The following IGSF10 variants were observed in gnomAD, a reference collection of about 807,000 sequenced individuals.
IGSF10 encodes the protein immunoglobulin superfamily member 10, also known as calvaria mechanical force protein 608.
IGSF10 carries 126 observed loss-of-function variants against 128.2 expected under a neutral mutation model. That is an observed-to-expected ratio of 0.98 (90% CI 0.85 to 1.14). The LOEUF (loss-of-function observed/expected upper bound fraction) is 1.14, where lower values mean the gene tolerates loss of function less well. Among genes scored for constraint, IGSF10 ranks in the 50% most tolerant of loss-of-function variants. IGSF10 has a pLI of 0.00. For synonymous variants in IGSF10, 1,185 were observed against 1,146.2 expected, an observed-to-expected ratio of 1.03 and a Z score of -0.68; for missense variants, 3,295 against 3,149.8, an observed-to-expected ratio of 1.05 and a Z score of -1.10.
the IGSF10 span, among the ~76,000 whole-genome samples, chr3:151,512,636 GAC>G: frequency 5.9e-5 from 9 of 151,942 alleles, no homozygotes; most frequent in Non-Finnish European, 1.3e-4. Context: ...AGGAAATAGA[GAC>G]ACAAAAAACC....
chr3:151,589,578 G>A, the IGSF10 span, among the ~76,000 whole-genome samples: 1 of 152,216 alleles, frequency 6.6e-6, no homozygotes, highest in Non-Finnish European at 1.5e-5. Context: ...CACAGAAGAA[G>A]GATTTGCAAC....
At chr3:151,544,521 T>C in the IGSF10 span, among the ~76,000 whole-genome samples, 1 of 152,198 alleles carries the variant, frequency 6.6e-6, no homozygotes, top group African/African-American at 2.4e-5. Flanking sequence ...AAATTCTAAA[T>C]TGGAGAGCAT....
At chr3:151,551,451 G>A in the IGSF10 span, among the ~76,000 whole-genome samples, 8 of 151,214 alleles carry the variant, frequency 5.3e-5, no homozygotes, top group Non-Finnish European at 7.4e-5. Flanking sequence ...CCTCAATAAC[G>A]CATTTTTGAT....
chr3:151,472,265 G>A, the IGSF10 span, among the ~76,000 whole-genome samples: 2 of 152,130 alleles, frequency 1.3e-5, no homozygotes, highest in African/African-American at 4.8e-5. Context: ...CCCTCAATGG[G>A]ATATCAGTAT....
upstream of IGSF10, chr3:151,461,153 G>A: frequency 2.7e-5 from 27 of 985,392 alleles, no homozygotes; most frequent in Non-Finnish European, 3.3e-5. Flanking sequence ...ACGACCACCG[G>A]GCCCCTCTTT....
chr3:151,558,005 A>ATATATATATAT, the IGSF10 span, among the ~76,000 whole-genome samples: 1 of 39,554 alleles, frequency 2.5e-5, no homozygotes. Flanking sequence ...AAGTATATAT[A>ATATATATATAT]ATATATATAT....
the IGSF10 span, among the ~76,000 whole-genome samples, chr3:151,471,920 C>T: frequency 6.6e-6 from 1 of 152,276 alleles, no homozygotes; most frequent in Non-Finnish European, 1.5e-5. Flanking sequence ...TGCAATGCAT[C>T]TCATTTGGAA....
chr3:151,455,119 T>G (rs997779780), intron 4 of IGSF10, among the ~76,000 whole-genome samples: 1 of 151,972 alleles, frequency 6.6e-6, no homozygotes, highest in Non-Finnish European at 1.5e-5. Flanking sequence ...GCGTTTTGTT[T>G]TTTTTTTTGA....
chr3:151,483,525 A>C, the IGSF10 span, among the ~76,000 whole-genome samples: 143 of 152,324 alleles, frequency 9.4e-4, no homozygotes, highest in African/African-American at 3.3e-3. Context: ...TGCTGGCAAG[A>C]TGGCCTAATA....
the IGSF10 span, among the ~76,000 whole-genome samples, chr3:151,584,733 A>G: frequency 6.6e-6 from 1 of 152,206 alleles, no homozygotes; most frequent in Admixed American, 6.5e-5. Flanking sequence ...AGTCAGTCCA[A>G]CATTTTGACA....
At chr3:151,520,541 A>T in the IGSF10 span, among the ~76,000 whole-genome samples, 1 of 151,984 alleles carries the variant, frequency 6.6e-6, no homozygotes, top group South Asian at 2.1e-4. Flanking sequence ...TCTCAGCTGA[A>T]ACCCTACAAG....
At chr3:151,509,043 C>T in the IGSF10 span, among the ~76,000 whole-genome samples, 1 of 152,122 alleles carries the variant, frequency 6.6e-6, no homozygotes, top group African/African-American at 2.4e-5. Context: ...CTTCACAGCA[C>T]ACAATCCTAG....
chr3:151,534,768 C>T, the IGSF10 span, among the ~76,000 whole-genome samples: 3 of 150,928 alleles, frequency 2.0e-5, no homozygotes, highest in Admixed American at 6.6e-5. Context: ...CAAACCTGCA[C>T]GTTCTGCCCA....
chr3:151,489,045 T>A, the IGSF10 span, among the ~76,000 whole-genome samples: 2 of 151,984 alleles, frequency 1.3e-5, no homozygotes, highest in South Asian at 4.1e-4. Context: ...GCAACCTACA[T>A]AATGGGAGAA....
At chr3:151,595,169 C>T in the IGSF10 span, among the ~76,000 whole-genome samples, 574 of 152,160 alleles carry the variant, frequency 3.8e-3, 3 homozygotes, top group African/African-American at 0.013. Flanking sequence ...GTTGGTAGGA[C>T]TGTAAATTAG....
chr3:151,450,806 G>A (rs557224338), intron 5 of IGSF10, among the ~76,000 whole-genome samples: 45 of 138,082 alleles, frequency 3.3e-4, no homozygotes, highest in African/African-American at 1.2e-3. Context: ...TGAGGTAGGA[G>A]AATCACTTAA....
the IGSF10 span, among the ~76,000 whole-genome samples, chr3:151,602,024 A>ATT: frequency 1.3e-4 from 19 of 146,888 alleles, no homozygotes; most frequent in South Asian, 4.3e-4. Context: ...GCATCTTAAG[A>ATT]TTTTTTTTTT....
chr3:151,492,795 C>T, the IGSF10 span, among the ~76,000 whole-genome samples: 1 of 150,478 alleles, frequency 6.6e-6, no homozygotes, highest in Non-Finnish European at 1.5e-5. Context: ...GTATATATAC[C>T]CAAAGGAGAT....
At chr3:151,558,027 A>ATTATATATATATAATATATATATAT in the IGSF10 span, among the ~76,000 whole-genome samples, 31 of 52,922 alleles carry the variant, frequency 5.9e-4, 2 homozygotes, top group Admixed American at 1.7e-3. Context: ...TAATATATAT[A>ATTATATATATATAATATATATATAT]TTGGTACAAT....
Sources: allele counts gnomAD v4.1 joint callset (sites outside exome capture counted in the v4.1 genomes callset), GRCh38; gene constraint gnomAD v4.1.1; transcripts MANE v1.5; gene names NCBI Gene and HGNC (gene_info 2026-07-23, HGNC 2026-07-21).